Variants in NCOA1 observed in about 807,000 individuals in gnomAD.
The protein encoded by NCOA1 is nuclear receptor coactivator 1, also known as Hin-2 protein.
In NCOA1, 35 loss-of-function variants were observed where a neutral mutation model predicts 150.9. The observed-to-expected ratio is 0.23, with a 90% CI of 0.18 to 0.31. The LOEUF (loss-of-function observed/expected upper bound fraction) is 0.31. Ranked by LOEUF, NCOA1 falls within the 10% of genes least tolerant of loss-of-function variation. The pLI is 1.00. For missense variants in NCOA1, 1,491 were observed against 1,749.3 expected (o/e 0.85, Z 2.63); for synonymous variants, 590 against 630.0 (o/e 0.94, Z 0.95).
chr2:24,715,616 G>T (rs1382239273), intron 14 of NCOA1, among the ~76,000 whole-genome samples: 1 of 152,080 alleles, frequency 6.6e-6, no homozygotes, highest in East Asian at 1.9e-4. Context: ...CATACAATTG[G>T]ATAATGATAT....
intron 3 of NCOA1, among the ~76,000 whole-genome samples, chr2:24,639,916 G>A (rs866194677): frequency 1.2e-3 from 37 of 29,702 alleles, no homozygotes; most frequent in South Asian, 4.7e-3. Context: ...ATGTGTGTGT[G>A]TATATATATA....
chr2:24,497,951 A>G (rs536686999), intron 1 of NCOA1, among the ~76,000 whole-genome samples: 145 of 152,350 alleles, frequency 9.5e-4, no homozygotes, highest in Non-Finnish European at 1.7e-3. Context: ...GTTTGCCTAT[A>G]TAGTTAAAAC....
chr2:24,526,529 T>C (rs936273653), intron 1 of NCOA1, among the ~76,000 whole-genome samples: 3 of 152,154 alleles, frequency 2.0e-5, no homozygotes, highest in Non-Finnish European at 4.4e-5. Context: ...AAAAATAGGC[T>C]ATCATTTTTA....
At position 24,707,425 on chromosome 2, in the gene NCOA1, C is replaced by T. The variant is rs1673505719; in HGVS notation, c.1955C>T (p.Thr652Ile). 1.9e-6 allele frequency: 3 copies of T among 1,614,094 alleles called. No homozygotes were observed. The highest frequency in any genetic ancestry group is 2.7e-5 in the African/African-American group (2 of 74,938). The change falls in exon 13 of 23, where the codon ACA becomes ATA. Residue 652 changes from threonine (T) to isoleucine (I), a missense_variant. This residue lies in a region of NCOA1 where 703 missense variants were observed against 717.7 expected (regional missense o/e 0.98). Coordinates refer to ENST00000348332, the MANE Select transcript of NCOA1 (RefSeq NM_003743.5). ...EQQLRHADID[T>I]SCKDVLSCTG... ...CAGTTACGGCATGCTGATATAGACA[C>T]AAGCTGCAAAGATGTCCTGTCTTGC... is the stretch of plus-strand genomic sequence containing the variant.
At chr2:24,548,180 G>A (rs977125314) in intron 1 of NCOA1, among the ~76,000 whole-genome samples, 1 of 152,072 alleles carries the variant, frequency 6.6e-6, no homozygotes, top group Non-Finnish European at 1.5e-5. Flanking sequence ...CCTACAGTTC[G>A]ACATGACTGG....
chr2:24,542,681 G>A (rs925768656), intron 1 of NCOA1, among the ~76,000 whole-genome samples: 5 of 152,192 alleles, frequency 3.3e-5, no homozygotes, highest in Non-Finnish European at 7.3e-5. Flanking sequence ...TTCGTAAGAG[G>A]AGAAGATGAT....
chr2:24,514,001 T>G (rs1054976846), intron 1 of NCOA1, among the ~76,000 whole-genome samples: 1 of 152,060 alleles, frequency 6.6e-6, no homozygotes, highest in African/African-American at 2.4e-5. Context: ...AACTAGCAAA[T>G]TTTTAGGCCA....
At chr2:24,507,438 T>TTG (rs924489446) in intron 1 of NCOA1, among the ~76,000 whole-genome samples, 2 of 149,010 alleles carry the variant, frequency 1.3e-5, no homozygotes, top group African/African-American at 2.5e-5. Context: ...CTGCTGGGTT[T>TTG]TTTTTTTTTT....
intron 1 of NCOA1, among the ~76,000 whole-genome samples, chr2:24,537,148 A>G (rs964342693): frequency 3.6e-4 from 55 of 152,056 alleles, no homozygotes; most frequent in African/African-American, 1.3e-3. Flanking sequence ...CTGGACTCCC[A>G]TGTTCATTGT....
Position 24,710,959 on chromosome 2 carries a change from A to C in NCOA1, c.2447A>C (p.Gln816Pro). ...ACAGCTGACCTTGACCAGTTTGATC[A>C]GTTACTGCCCACGCTGGAGAAGGCA... Reference protein sequence around the residue: ...QFTADLDQFDQLLPTLEKAAQ... With the variant: ...QFTADLDQFDPLLPTLEKAAQ... The change falls in exon 14 of 23, where the codon CAG (glutamine) becomes CCG (proline). Residue 816 changes from glutamine to proline, a missense_variant. This residue lies in a region of NCOA1 where 703 missense variants were observed against 717.7 expected (regional missense o/e 0.98). Coordinates refer to ENST00000348332, the MANE Select transcript of NCOA1 (RefSeq NM_003743.5). 1 of 1,614,056 alleles carries C rather than the reference A, an allele frequency of 6.2e-7. No homozygotes were observed. The highest frequency in any genetic ancestry group is 8.5e-7 in the Non-Finnish European group (1 of 1,179,982).
At chr2:24,749,834 T>C (rs981439573) in intron 19 of NCOA1, among the ~76,000 whole-genome samples, 1 of 151,932 alleles carries the variant, frequency 6.6e-6, no homozygotes. Flanking sequence ...AGGAGAAAAA[T>C]CAGCCAATCA....
chr2:24,762,658 T>TAAAAC lies in NCOA1; in HGVS notation c.4066-27_4066-26insAACAA. On this transcript the variant is annotated intron_variant, in intron 21 of 22. Transcript: ENST00000348332. ...GTTTTCAGTTTAAACAACTAGCTTG[T>TAAAAC]AATTTGATCTTGTATTTATCTTTAA... The TAAAAC allele has an allele frequency of 1.9e-6, 3 of 1,590,872 alleles. No individual in the cohort carries two copies. The South Asian group carries it at 3.4e-5, about 18-fold the overall frequency.
chr2:24,706,642 A>G lies in NCOA1; in HGVS notation c.1172A>G (p.Asn391Ser), dbSNP rs1255804662. Residue 391 changes from asparagine to serine, a missense_variant, in exon 13 of 23, where the codon AAT (asparagine) becomes AGT (serine). Asn to Ser is a conservative substitution (Grantham distance 46). Coordinates refer to ENST00000348332, the MANE Select transcript of NCOA1 (RefSeq NM_003743.5). ...ATTCCCCGAGTAAATCCCTCGGTCA[A>G]TCCTAGTATCTCTCCAGCTCATGGT... The part of the protein sequence containing the change: ...MSIPRVNPSV[N>S]PSISPAHGVA... 11 of 1,614,206 alleles carry G rather than the reference A, an allele frequency of 6.8e-6. No homozygotes were observed. The highest frequency in any genetic ancestry group is 1.7e-5 in the Admixed American group (1 of 60,012).
chr2:24,688,875 T>C (rs1296929960), intron 8 of NCOA1, among the ~76,000 whole-genome samples: 1 of 152,218 alleles, frequency 6.6e-6, no homozygotes, highest in Non-Finnish European at 1.5e-5. Flanking sequence ...TTTTTATAGT[T>C]TTGGGTTTTA....
intron 22 of NCOA1, among the ~76,000 whole-genome samples, chr2:24,766,169 G>C (rs959831165): frequency 1.3e-5 from 2 of 152,126 alleles, no homozygotes; most frequent in African/African-American, 4.8e-5. Flanking sequence ...CAAAGTGCTA[G>C]AATTAGAGGC....
rs554465519 is a variant in NCOA1, at chr2:24,537,807, CTATA to C, written c.-395-26482_-395-26479del. Among the ~76,000 whole-genome samples the C allele has an allele frequency of 3.6e-3, 548 of 152,048 alleles. 1 individual carries two copies. The highest frequency in any genetic ancestry group is 6.8e-3 in the Middle Eastern group (2 of 294). ...CTGTAGCAATCATGTTTCTATCTATCTATATATATCTCATAATGTTATGCTGTAA... is the reference window on the plus strand; with the variant it reads ...CTGTAGCAATCATGTTTCTATCTATCTATATCTCATAATGTTATGCTGTAA... On this transcript the variant is annotated intron_variant, in intron 1 of 22. Transcript: ENST00000348332.
At chr2:24,692,731 A>G (rs1466081925) in intron 9 of NCOA1, among the ~76,000 whole-genome samples, 3 of 152,220 alleles carry the variant, frequency 2.0e-5, no homozygotes, top group African/African-American at 7.2e-5. Flanking sequence ...ATAGGAAGGA[A>G]TGGTTTATGC....
chr2:24,658,731 G>A lies in NCOA1; in HGVS notation c.54G>A (p.Lys18=), dbSNP rs1268975048. 1.2e-6 allele frequency: 2 copies of A among 1,613,974 alleles called. No homozygotes were observed. Among genetic ancestry groups the A allele is most frequent in the Non-Finnish European group, 1.7e-6 (2 of 1,179,970 alleles). ...SSDPANPDSH[K]RKGSPCDTLA... The stretch of plus-strand genomic sequence containing the variant: ...ACCCTGCTAACCCAGACTCACATAA[G>A]AGGAAAGGATCGCCATGTGACACAC... The change falls in exon 5 of 23, where the codon AAG becomes AAA. Residue 18 remains lysine (K), a synonymous_variant. Transcript: ENST00000348332.
intron 5 of NCOA1, 171 bp downstream of exon 5, chr2:24,658,937 C>T (rs1671063110): frequency 2.8e-5 from 17 of 600,230 alleles, no homozygotes; most frequent in Non-Finnish European, 5.9e-6. Context: ...CTCCCTCAAT[C>T]CAGCTTGCTT....
Sources: allele counts gnomAD v4.1 joint callset (sites outside exome capture counted in the v4.1 genomes callset), GRCh38; gene constraint gnomAD v4.1.1; regional missense constraint gnomAD v4.1.1; transcripts MANE v1.5; gene names NCBI Gene and HGNC (gene_info 2026-07-23, HGNC 2026-07-21).